Variants in ITPR1 observed in about 807,000 individuals in gnomAD.
ITPR1 encodes inositol 1,4,5-trisphosphate receptor type 1.
Under a neutral mutation model 318.4 loss-of-function variants are expected in ITPR1, and 96 were observed. The ratio of observed to expected loss-of-function variants is 0.30; its 90% CI spans 0.26 to 0.36. The LOEUF (loss-of-function observed/expected upper bound fraction) is 0.36, where lower values mean the gene tolerates loss of function less well. ITPR1 is among the 10% of genes least tolerant of loss of function. The pLI is 1.00. For missense variants in ITPR1, 2,440 were observed against 3,460.2 expected, an observed-to-expected ratio of 0.71 and a Z score of 7.40; for synonymous variants, 1,312 against 1,289.9, an observed-to-expected ratio of 1.02 and a Z score of -0.37.
intron 6 of ITPR1, among the ~76,000 whole-genome samples, chr3:4,639,737 T>C (rs193129679): frequency 8.5e-5 from 13 of 152,336 alleles, no homozygotes; most frequent in Non-Finnish European, 1.9e-4. Context: ...AGCTTCCTAC[T>C]TGAAAAGGAA....
chr3:4,796,523 C>T (rs2047910114), intron 53 of ITPR1, among the ~76,000 whole-genome samples: 1 of 152,174 alleles, frequency 6.6e-6, no homozygotes, highest in African/African-American at 2.4e-5. Flanking sequence ...TCATGTTCCT[C>T]ACGGCAGATT....
At chr3:4,531,641 G>C (rs1353693373) in intron 4 of ITPR1, among the ~76,000 whole-genome samples, 1 of 152,182 alleles carries the variant, frequency 6.6e-6, no homozygotes, top group Non-Finnish European at 1.5e-5. Context: ...GCTCCATCCA[G>C]ATGGATTGAC....
At chr3:4,835,818 C>T (rs765009186) in intron 60 of ITPR1, among the ~76,000 whole-genome samples, 22 of 152,076 alleles carry the variant, frequency 1.4e-4, no homozygotes, top group African/African-American at 5.3e-4. Context: ...AGGAGTTGTC[C>T]CATTCTGTTA....
At chr3:4,645,840 C>A in intron 10 of ITPR1, 112 bp downstream of exon 10, 1 of 962,910 alleles carries the variant, frequency 1.0e-6, no homozygotes, top group Non-Finnish European at 1.6e-6. Flanking sequence ...CTATATGTGT[C>A]TATACACCCA....
intron 53 of ITPR1, among the ~76,000 whole-genome samples, chr3:4,797,292 C>T (rs112599821): frequency 2.9e-4 from 44 of 152,052 alleles, no homozygotes; most frequent in South Asian, 6.2e-4. Flanking sequence ...GCTAACCATC[C>T]TCAGTAGAAG....
At chr3:4,676,593 G>A (rs1559671771) in intron 23 of ITPR1, 21 bp from the exon 24 acceptor site, 1 of 1,606,926 alleles carries the variant, frequency 6.2e-7, no homozygotes, top group Non-Finnish European at 8.5e-7. Flanking sequence ...TGTGACCGTG[G>A]TCTCTCCTGG....
intron 2 of ITPR1, among the ~76,000 whole-genome samples, chr3:4,508,812 C>T (rs1286973104): frequency 6.6e-6 from 1 of 152,150 alleles, no homozygotes; most frequent in African/African-American, 2.4e-5. Context: ...GAGTTGAGGT[C>T]TGGCCAGCTT....
At chr3:4,764,559 T>C (rs1291584819) in intron 44 of ITPR1, among the ~76,000 whole-genome samples, 4 of 152,278 alleles carry the variant, frequency 2.6e-5, no homozygotes, top group Admixed American at 6.5e-5. Context: ...GAGGCCTTGA[T>C]TGCTGTGAAG....
chr3:4,597,041 G>A (rs907916046), intron 4 of ITPR1, among the ~76,000 whole-genome samples: 11 of 152,186 alleles, frequency 7.2e-5, no homozygotes, highest in African/African-American at 2.4e-4. Flanking sequence ...CGTGAGAAAA[G>A]GAACTATGTG....
At chr3:4,681,624 A>AGTATGTGTGTGAGTGT (rs373511110) in intron 26 of ITPR1, among the ~76,000 whole-genome samples, 2 of 145,896 alleles carry the variant, frequency 1.4e-5, no homozygotes. Flanking sequence ...AGAGAGAGAA[A>AGTATGTGTGTGAGTGT]GTGTGTGTGT....
intron 2 of ITPR1, among the ~76,000 whole-genome samples, chr3:4,506,105 C>T (rs1249751305): frequency 6.6e-6 from 1 of 152,158 alleles, no homozygotes; most frequent in Non-Finnish European, 1.5e-5. Flanking sequence ...GAGATAAGCC[C>T]TCATTATCCC....
At chr3:4,664,484 TA>T (rs1422018710) in intron 16 of ITPR1, among the ~76,000 whole-genome samples, 1 of 152,234 alleles carries the variant, frequency 6.6e-6, no homozygotes, top group African/African-American at 2.4e-5. Flanking sequence ...GATTTGAGAT[TA>T]TTTTTTCATG....
intron 12 of ITPR1, 78 bp downstream of exon 12, chr3:4,653,964 G>C: frequency 1.0e-6 from 1 of 993,952 alleles, no homozygotes; most frequent in East Asian, 2.5e-5. Flanking sequence ...TTAAGAAACT[G>C]TCACTGTGGT....
At chr3:4,545,493 C>G (rs55941621) in intron 4 of ITPR1, among the ~76,000 whole-genome samples, 2,276 of 151,994 alleles carry the variant, frequency 0.015, 35 homozygotes, top group East Asian at 0.077. Context: ...CTTGGTGGCA[C>G]ATGCCTGTGG....
chr3:4,757,228 G>C (rs972422161), intron 44 of ITPR1, among the ~76,000 whole-genome samples: 1 of 152,016 alleles, frequency 6.6e-6, no homozygotes, highest in Non-Finnish European at 1.5e-5. Flanking sequence ...TGTAATCATT[G>C]GTTTCTAAAA....
intron 40 of ITPR1, among the ~76,000 whole-genome samples, chr3:4,721,936 G>A (rs1206015643): frequency 6.6e-6 from 1 of 152,174 alleles, no homozygotes; most frequent in Admixed American, 6.5e-5. Flanking sequence ...ATTTAAGAAT[G>A]ATAAAGTATA....
At chr3:4,701,390 A>T (rs1485507489) in intron 35 of ITPR1, among the ~76,000 whole-genome samples, 1 of 152,176 alleles carries the variant, frequency 6.6e-6, no homozygotes, top group Non-Finnish European at 1.5e-5. Flanking sequence ...GACCGTTCTC[A>T]TTGGGCCCTT....
chr3:4,610,129 C>T (rs2091983462), intron 4 of ITPR1, among the ~76,000 whole-genome samples: 1 of 152,146 alleles, frequency 6.6e-6, no homozygotes, highest in African/African-American at 2.4e-5. Context: ...CTTTGCTTGT[C>T]ATCATCCATC....
intron 53 of ITPR1, chr3:4,800,144 G>C (rs2048132144): frequency 2.3e-6 from 1 of 435,988 alleles, no homozygotes; most frequent in Non-Finnish European, 4.1e-6. Flanking sequence ...TGGGGAGGAA[G>C]GGGATTGGGG....
Sources: gnomAD v4.1 joint callset for allele counts (sites outside exome capture counted in the v4.1 genomes callset) on GRCh38, gnomAD v4.1.1 for gene constraint, MANE v1.5 for transcripts, NCBI Gene and HGNC (gene_info 2026-07-23, HGNC 2026-07-21) for gene names.